PCLO: variants seen among roughly 807,000 people sequenced by gnomAD.
PCLO encodes the protein protein piccolo.
PCLO carries 82 observed loss-of-function variants against 427.5 expected under a neutral mutation model. The observed-to-expected ratio is 0.19, with a 90% CI of 0.16 to 0.23. The LOEUF is 0.23. PCLO is among the 10% of genes least tolerant of loss of function. PCLO has a pLI of 1.00. For synonymous variants in PCLO, 2,357 were observed against 2,155.4 expected (o/e 1.09, Z -2.59); for missense variants, 6,239 against 6,115.9 (o/e 1.02, Z -0.67).
At chr7:82,850,278 G>A (rs1469794218) in intron 10 of PCLO, among the ~76,000 whole-genome samples, 1 of 152,002 alleles carries the variant, frequency 6.6e-6, no homozygotes, top group Admixed American at 6.6e-5. Context: ...CAAAGTGCTG[G>A]GATTACAGGC....
intron 16 of PCLO, among the ~76,000 whole-genome samples, chr7:82,832,088 A>G (rs1456823057): frequency 6.6e-6 from 1 of 152,198 alleles, no homozygotes. Context: ...TTGTGGGAAG[A>G]TTACATTAAT....
intron 4 of PCLO, among the ~76,000 whole-genome samples, chr7:82,959,605 T>C (rs1209682707): frequency 6.6e-6 from 1 of 152,094 alleles, no homozygotes; most frequent in Non-Finnish European, 1.5e-5. Context: ...TTAATACACA[T>C]AAATATCAAA....
chr7:82,899,320 C>A (rs1793984063), intron 9 of PCLO, among the ~76,000 whole-genome samples: 1 of 151,316 alleles, frequency 6.6e-6, no homozygotes, highest in South Asian at 2.1e-4. Context: ...TGTAAATATT[C>A]TTTGCCAGGA....
intron 10 of PCLO, among the ~76,000 whole-genome samples, chr7:82,851,308 G>A (rs1048269670): frequency 6.6e-6 from 1 of 151,636 alleles, no homozygotes; most frequent in Non-Finnish European, 1.5e-5. Flanking sequence ...CTTGGCAGAG[G>A]CTGGAAGAAA....
In PCLO at chr7:83,154,805, C is replaced by T; in HGVS notation, c.1836G>A (p.Glu612=). ...AGAGACTACAGACAGTGGTTTGACA[C>T]TCAGTGCATGTGTTAAAATTGGCCT... ...PEKANFNTCT[E]CQTTVCSLCG... Residue 612 remains glutamate (E), a synonymous_variant, in exon 2 of 25, where the codon GAG becomes GAA. Coordinates refer to ENST00000333891, the MANE Select transcript of PCLO (RefSeq NM_033026.6). 6.2e-7 allele frequency: 1 copy of T among 1,613,890 alleles called. No homozygotes were observed. The highest frequency in any genetic ancestry group is 1.7e-5 in the Admixed American group (1 of 59,994).
At position 82,953,046 on chromosome 7, in the gene PCLO, T is replaced by C. The variant is rs189418973; in HGVS notation, c.7907A>G (p.Glu2636Gly). ...VTAVEIPISS[E>G]QTFYISGALQ... ...AGCTCCAGAGATGTAGAAGGTCTGT[T>C]CTGAAGAAATTGGAATTTCTACAGC... The change falls in exon 5 of 25, where the codon GAA (glutamate) becomes GGA (glycine). Residue 2636 changes from glutamate to glycine, a missense_variant. By Grantham distance (98) the Glu-to-Gly change is moderately conservative. Coordinates refer to ENST00000333891, the MANE Select transcript of PCLO (RefSeq NM_033026.6). The C allele has an allele frequency of 5.0e-6, 8 of 1,613,992 alleles. No homozygotes were observed. The Admixed American group carries it at 1.3e-4, about 27-fold the overall frequency.
chr7:83,017,908 G>A (rs1241798077), intron 3 of PCLO: 3 of 151,954 alleles, frequency 2.0e-5, no homozygotes, highest in Admixed American at 6.6e-5. Context: ...ATTTATAGCC[G>A]TACCATCTTG....
At chr7:82,873,388 A>T (rs1352629983) in intron 10 of PCLO, among the ~76,000 whole-genome samples, 1 of 152,030 alleles carries the variant, frequency 6.6e-6, no homozygotes, top group Non-Finnish European at 1.5e-5. Context: ...GTGAAATAAG[A>T]AAAAAGTAGG....
intron 3 of PCLO, among the ~76,000 whole-genome samples, chr7:83,018,426 A>G (rs924976842): frequency 2.0e-5 from 3 of 152,000 alleles, no homozygotes; most frequent in African/African-American, 7.2e-5. Flanking sequence ...AACTTTCTAC[A>G]CTTTCTAAAT....
chr7:82,977,930 G>A (rs746747704), intron 3 of PCLO, among the ~76,000 whole-genome samples: 17 of 152,008 alleles, frequency 1.1e-4, no homozygotes, highest in Non-Finnish European at 1.5e-5. Flanking sequence ...TGTGTGTTTG[G>A]ATACCTTAGT....
At chr7:82,922,060 T>C (rs984041490) in intron 6 of PCLO, among the ~76,000 whole-genome samples, 1 of 151,906 alleles carries the variant, frequency 6.6e-6, no homozygotes, top group Non-Finnish European at 1.5e-5. Flanking sequence ...ATGGCTATTA[T>C]TAAAAAGTAA....
At chr7:82,935,334 A>G (rs1182872619) in intron 6 of PCLO, among the ~76,000 whole-genome samples, 1 of 151,462 alleles carries the variant, frequency 6.6e-6, no homozygotes, top group Non-Finnish European at 1.5e-5. Flanking sequence ...TTTGTAAATT[A>G]AAGATCAAAT....
At chr7:82,932,486 C>T (rs1451045201) in intron 6 of PCLO, among the ~76,000 whole-genome samples, 2 of 152,180 alleles carry the variant, frequency 1.3e-5, no homozygotes, top group Non-Finnish European at 2.9e-5. Context: ...TGAGCAAGTT[C>T]TGAGATAGAA....
At chr7:82,761,931 T>G (rs2129467581) in intron 22 of PCLO, among the ~76,000 whole-genome samples, 1 of 152,184 alleles carries the variant, frequency 6.6e-6, no homozygotes, top group East Asian at 1.9e-4. Context: ...TAGATATGAC[T>G]GTATCAATTC....
Position 83,162,607 on chromosome 7 carries a change from CG to C in PCLO, c.-16del. 1 of 1,521,940 alleles carries C rather than the reference CG, an allele frequency of 6.6e-7. No homozygotes were observed. 94.3% of individuals were successfully genotyped at this position (1,521,940 alleles called of 1,614,324 possible). On this transcript the variant is annotated 5_prime_UTR_variant, in exon 1 of 25. Transcript: ENST00000333891. ...TCGTTGCCCATGGCTCAGGGAGACT[CG>C]GGGCCGCCGCGCTCCCTCCTCGCGC...
chr7:83,050,133 T>C (rs749981861), intron 3 of PCLO, among the ~76,000 whole-genome samples: 2 of 137,898 alleles, frequency 1.5e-5, no homozygotes, highest in African/African-American at 5.5e-5. Flanking sequence ...GGTGAGGCAA[T>C]CTGGGTCGGA....
intron 2 of PCLO, among the ~76,000 whole-genome samples, chr7:83,153,558 T>C (rs1257407752): frequency 6.6e-6 from 1 of 152,224 alleles, no homozygotes; most frequent in Non-Finnish European, 1.5e-5. Context: ...AATCCTTCAC[T>C]GCCTGCTGTG....
intron 3 of PCLO, among the ~76,000 whole-genome samples, chr7:83,132,232 G>T (rs1043984178): frequency 6.6e-6 from 1 of 152,114 alleles, no homozygotes. Flanking sequence ...AGTTGCTTTT[G>T]TTAGATCTTC....
intron 8 of PCLO, among the ~76,000 whole-genome samples, chr7:82,903,651 C>T (rs1371084403): frequency 6.6e-6 from 1 of 151,756 alleles, no homozygotes; most frequent in Admixed American, 6.6e-5. Flanking sequence ...TTACTCTTAC[C>T]TATATTAACA....
Sources: gnomAD v4.1 joint callset for allele counts (sites outside exome capture counted in the v4.1 genomes callset) on GRCh38, gnomAD v4.1.1 for gene constraint, MANE v1.5 for transcripts, NCBI Gene and HGNC (gene_info 2026-07-23, HGNC 2026-07-21) for gene names.